SNAI3: variants seen among roughly 807,000 people sequenced by gnomAD.
SNAI3 encodes the protein snail family transcriptional repressor 3, also known as zinc finger protein SNAI3.
In SNAI3, 21 loss-of-function variants were observed where a neutral mutation model predicts 16.4. The ratio of observed to expected loss-of-function variants is 1.28; its 90% confidence interval spans 0.91 to 1.85. The LOEUF is 1.85. Ranked by LOEUF, SNAI3 falls within the 40% of genes most tolerant of loss-of-function variation. The pLI is 0.00. For missense variants in SNAI3, 457 were observed against 372.8 expected, an observed-to-expected ratio of 1.23 and a Z score of -1.86; for synonymous variants, 202 against 166.6, an observed-to-expected ratio of 1.21 and a Z score of -1.64.
chr16:88,678,115 G>A lies in SNAI3; in HGVS notation c.*333C>T, dbSNP rs1909033397. The A allele has an allele frequency of 3.1e-5, 8 of 261,300 alleles. No individual in the cohort carries two copies. In the South Asian group the frequency reaches 4.9e-4, roughly 16 times the overall value. The allele number at this position is 261,300 out of a possible 1,614,324, so 16.2% of individuals were successfully genotyped here. A position where few individuals can be genotyped will look rare whatever the true frequency, so the allele number is the denominator to read the frequency against. ...GGCGGCAGTGCCGGCCCATGCTGGC[G>A]GCCACCTCCCCGAGGCTCTGACTCT... On this transcript the variant is annotated 3_prime_UTR_variant, in exon 3 of 3. Coordinates refer to ENST00000332281, the MANE Select transcript of SNAI3 (RefSeq NM_178310.4).
Position 88,681,009 on chromosome 16 carries a change from A to G in SNAI3, c.697+85T>C. ...GAATGCCCATGCTATTGTTTATAAA[A>G]TCACCCCTCCTCCTTTTCTAACTCC... On this transcript the variant is annotated intron_variant, in intron 2 of 2. Coordinates refer to ENST00000332281, the MANE Select transcript of SNAI3 (RefSeq NM_178310.4). This position sits in a 1 kb window ranked among gnomAD's most constrained non-coding sequence, Gnocchi z 5.4. The G allele has an allele frequency of 1.3e-6, 2 of 1,523,482 alleles. No individual in the cohort carries two copies. The highest frequency in any genetic ancestry group is 2.8e-5 in the African/African-American group (2 of 72,664). The allele number at this position is 1,523,482 out of a possible 1,614,324, so 94.4% of individuals were successfully genotyped here.
chr16:88,684,692 C>T (rs1909296280), intron 1 of SNAI3, among the ~76,000 whole-genome samples: 1 of 152,162 alleles, frequency 6.6e-6, no homozygotes, highest in African/African-American at 2.4e-5. Flanking sequence ...GACGGGGTTT[C>T]GCCATGTTGG....
chr16:88,685,282 C>T (rs921146222), intron 1 of SNAI3: 1 of 152,254 alleles, frequency 6.6e-6, no homozygotes, highest in African/African-American at 2.4e-5. Context: ...TCAAAATGCA[C>T]ATTTGAAAAG....
chr16:88,685,964 C>T (rs1462361275), intron 1 of SNAI3: 3 of 189,808 alleles, frequency 1.6e-5, no homozygotes, highest in Non-Finnish European at 3.3e-5. Flanking sequence ...GCGACCCCTC[C>T]CAAACGTGTG....
Position 88,686,465 on chromosome 16 carries a change from C to G in SNAI3, c.-59G>C, listed in dbSNP as rs1296614648. ...GGGGCGGGAGGGGCGCGCCTGGGTC[C>G]GGACTGCTGCGTCCGCCGGCGCTTG... On this transcript the variant is annotated 5_prime_UTR_variant, in exon 1 of 3. Transcript: ENST00000332281. 1.0e-5 allele frequency: 16 copies of G among 1,580,618 alleles called. No individual in the cohort carries two copies. The highest frequency in any genetic ancestry group is 1.8e-5 in the Admixed American group (1 of 57,090).
intron 1 of SNAI3, among the ~76,000 whole-genome samples, chr16:88,683,218 A>C (rs1358170478): frequency 6.7e-6 from 1 of 148,890 alleles, no homozygotes; most frequent in Non-Finnish European, 1.5e-5. Flanking sequence ...TCAGACTCCC[A>C]AGTAGCTGGG....
chr16:88,681,938 C>T lies in SNAI3; in HGVS notation c.77-224G>A, dbSNP rs935398566. ...GGAGTCATCTAGAACAAGAAGGCCC[C>T]GCGGTCTAGAGAGCGAATCTCACTT... On this transcript the variant is annotated intron_variant, in intron 1 of 2. Transcript: ENST00000332281. This position sits in a 1 kb window ranked among gnomAD's most constrained non-coding sequence, Gnocchi z 5.4. Among the ~76,000 whole-genome samples the T allele has an allele frequency of 6.6e-6, 1 of 152,088 alleles. No individual in the cohort carries two copies. The highest frequency in any genetic ancestry group is 1.5e-5 in the Non-Finnish European group (1 of 68,022).
intron 1 of SNAI3, chr16:88,685,576 C>T (rs996628468): frequency 6.6e-6 from 1 of 152,292 alleles, no homozygotes; most frequent in Non-Finnish European, 1.5e-5. Flanking sequence ...AGGCTGTCCT[C>T]TGAAGGACAG....
chr16:88,681,657 T>C lies in SNAI3; in HGVS notation c.134A>G (p.Asp45Gly), dbSNP rs190305917. 8.6e-5 allele frequency: 125 copies of C among 1,445,506 alleles called. 1 individual carries two copies. The African/African-American group carries it at 1.5e-3, about 17-fold the overall frequency. The allele number at this position is 1,445,506 out of a possible 1,614,324, so 89.5% of individuals were successfully genotyped here. A position where few individuals can be genotyped will look rare whatever the true frequency, so the allele number is the denominator to read the frequency against. ...ACCGGGCACAGAAGGGGCCTCCTTGTCTCGGGGGAGGAGGGGCACCACCAG... is the reference window on the plus strand; with the variant it reads ...ACCGGGCACAGAAGGGGCCTCCTTGCCTCGGGGGAGGAGGGGCACCACCAG... ...GGLVVPLLPR[D>G]KEAPSVPGDL... The change falls in exon 2 of 3, where the codon GAC becomes GGC. Residue 45 changes from aspartate to glycine, a missense_variant. Asp to Gly is a moderately conservative substitution (Grantham distance 94). Coordinates refer to ENST00000332281, the MANE Select transcript of SNAI3 (RefSeq NM_178310.4). The surrounding 1 kb of genome is among the most constrained non-coding windows in gnomAD (Gnocchi z 5.4).
At chr16:88,679,788 A>T (rs1362541294) in intron 2 of SNAI3, among the ~76,000 whole-genome samples, 1 of 147,084 alleles carries the variant, frequency 6.8e-6, no homozygotes, top group Non-Finnish European at 1.5e-5. Flanking sequence ...AAAAAGAAAA[A>T]GTGTGAACTA....
Position 88,678,508 on chromosome 16 carries a change from G to T in SNAI3, c.819C>A (p.Thr273=), listed in dbSNP as rs1315252074. ...GCGCCAGGAGGGACATGCGGGAGAA[G>T]GTCTTGGTGCAGCGCCGGCACCGGT... ...KKYRCRRCTK[T]FSRMSLLARH... The change falls in exon 3 of 3, where the codon ACC becomes ACA. Residue 273 remains threonine, a synonymous_variant. Coordinates refer to ENST00000332281, the MANE Select transcript of SNAI3 (RefSeq NM_178310.4). The T allele has an allele frequency of 2.5e-6, 2 of 785,694 alleles. No individual in the cohort carries two copies. Among genetic ancestry groups the T allele is most frequent in the Admixed American group, 3.4e-5 (2 of 59,038 alleles). The allele number at this position is 785,694 out of a possible 1,614,324, so 48.7% of individuals were successfully genotyped here. A position where few individuals can be genotyped will look rare whatever the true frequency, so the allele number is the denominator to read the frequency against.
chr16:88,681,012 A>G lies in SNAI3; in HGVS notation c.697+82T>C. On this transcript the variant is annotated intron_variant, in intron 2 of 2. Transcript: ENST00000332281. This position sits in a 1 kb window ranked among gnomAD's most constrained non-coding sequence, Gnocchi z 5.4. ...TGCCCATGCTATTGTTTATAAAATC[A>G]CCCCTCCTCCTTTTCTAACTCCCGC... is the stretch of plus-strand genomic sequence containing the variant. 1 of 1,525,188 alleles carries G rather than the reference A, an allele frequency of 6.6e-7. No homozygotes were observed. Among genetic ancestry groups the G allele is most frequent in the Non-Finnish European group, 8.9e-7 (1 of 1,129,816 alleles). 94.5% of individuals were successfully genotyped at this position (1,525,188 alleles called of 1,614,324 possible). A position where few individuals can be genotyped will look rare whatever the true frequency, so the allele number is the denominator to read the frequency against.
chr16:88,683,707 C>T (rs929473301), intron 1 of SNAI3, among the ~76,000 whole-genome samples: 1 of 152,112 alleles, frequency 6.6e-6, no homozygotes, highest in Non-Finnish European at 1.5e-5. Flanking sequence ...CAGACACCTG[C>T]CACCATGCCC....
chr16:88,681,628 G>T lies in SNAI3; in HGVS notation c.163C>A (p.Leu55Ile), dbSNP rs112033718. ...GAGGAGCGGTCCCAGGGCTGGGGAA[G>T]GTCACCGGGCACAGAAGGGGCCTCC... is the stretch of plus-strand genomic sequence containing the variant. ...DKEAPSVPGD[L>I]PQPWDRSSAV... The change falls in exon 2 of 3, where the codon CTT becomes ATT. Residue 55 changes from leucine (L) to isoleucine (I), a missense_variant. Transcript: ENST00000332281. The surrounding 1 kb of genome is among the most constrained non-coding windows in gnomAD (Gnocchi z 5.4). 21 of 1,479,854 alleles carry T rather than the reference G, an allele frequency of 1.4e-5. No individual in the cohort carries two copies. The African/African-American group carries it at 1.7e-4, about 12-fold the overall frequency. 91.7% of individuals were successfully genotyped at this position (1,479,854 alleles called of 1,614,324 possible). A position where few individuals can be genotyped will look rare whatever the true frequency, so the allele number is the denominator to read the frequency against.
chr16:88,683,891 C>G (rs1405895688), intron 1 of SNAI3, among the ~76,000 whole-genome samples: 1 of 152,122 alleles, frequency 6.6e-6, no homozygotes, highest in Non-Finnish European at 1.5e-5. Flanking sequence ...TCTCCAAAGA[C>G]GATACACAAA....
chr16:88,681,098 G>A lies in SNAI3; in HGVS notation c.693C>T (p.His231=), dbSNP rs142425800. ...PWLLQGHVRT[H]TGEKPYACSH... is the part of the protein sequence containing the mutation. ...CAGACCTTCACCCTGTCCTACCTGT[G>A]TGGGTGCGGACATGGCCCTGCAGTA... Residue 231 remains histidine, a synonymous_variant, in exon 2 of 3, where the codon CAC becomes CAT. Transcript: ENST00000332281. This position sits in a 1 kb window ranked among gnomAD's most constrained non-coding sequence, Gnocchi z 5.4. 883 of 1,608,482 alleles carry A rather than the reference G, an allele frequency of 5.5e-4. No homozygotes were observed. Among genetic ancestry groups the A allele is most frequent in the Admixed American group, 1.1e-3 (65 of 59,966 alleles).
At position 88,681,836 on chromosome 16, in the gene SNAI3, C is replaced by T. The variant is rs74391998; in HGVS notation, c.77-122G>A. 1,501 of 1,153,180 alleles carry T rather than the reference C, an allele frequency of 1.3e-3. 35 individuals carry two copies. The East Asian group carries it at 0.037, about 29-fold the overall frequency. The allele number at this position is 1,153,180 out of a possible 1,614,324, so 71.4% of individuals were successfully genotyped here. ...CAGCAGCCTGGCGTGGGAGGTGTAG[C>T]CGGGAACCTGCATGCAGACCCAGCT... is the stretch of plus-strand genomic sequence containing the variant. On this transcript the variant is annotated intron_variant, in intron 1 of 2. Transcript: ENST00000332281. This position sits in a 1 kb window ranked among gnomAD's most constrained non-coding sequence, Gnocchi z 5.4.
chr16:88,685,405 G>A (rs754402338), intron 1 of SNAI3: 1 of 152,226 alleles, frequency 6.6e-6, no homozygotes, highest in African/African-American at 2.4e-5. Context: ...GCCTCTTGGC[G>A]GTGTTGCTGG....
chr16:88,678,159 G>C lies in SNAI3; in HGVS notation c.*289C>G. On this transcript the variant is annotated 3_prime_UTR_variant, in exon 3 of 3. Transcript: ENST00000332281. The stretch of plus-strand genomic sequence containing the variant: ...TGACTCTTGGAAGGGTAGCCCCGGA[G>C]ACCTGGCCGTGTCGAAATGGAACCA... 1 of 366,400 alleles carries C rather than the reference G, an allele frequency of 2.7e-6. No individual in the cohort carries two copies. Among genetic ancestry groups the C allele is most frequent in the Non-Finnish European group, 5.0e-6 (1 of 200,032 alleles). The allele number at this position is 366,400 out of a possible 1,614,324, so 22.7% of individuals were successfully genotyped here. A position where few individuals can be genotyped will look rare whatever the true frequency, so the allele number is the denominator to read the frequency against.
Sources: gnomAD v4.1 joint callset for allele counts (sites outside exome capture counted in the v4.1 genomes callset) on GRCh38, gnomAD v4.1.1 for gene constraint, Gnocchi (gnomAD v3.1) non-coding constraint, MANE v1.5 for transcripts, NCBI Gene and HGNC (gene_info 2026-07-23, HGNC 2026-07-21) for gene names.